TOP2B: variants seen among roughly 807,000 people sequenced by gnomAD.
TOP2B encodes the protein DNA topoisomerase 2-beta.
In TOP2B, 51 loss-of-function variants were observed where a neutral mutation model predicts 193.5. The ratio of observed to expected loss-of-function variants is 0.26; its 90% CI spans 0.21 to 0.33. The LOEUF (loss-of-function observed/expected upper bound fraction) is 0.33, where lower values mean the gene tolerates loss of function less well. TOP2B is among the 10% of genes least tolerant of loss of function. The pLI, the probability that TOP2B is intolerant of heterozygous loss-of-function variation, is 1.00. For synonymous variants in TOP2B, 634 were observed against 635.7 expected (o/e 1.00, Z 0.04); for missense variants, 1,378 against 1,909.3 (o/e 0.72, Z 5.19).
intron 34 of TOP2B, 47 bp downstream of exon 34, chr3:25,601,053 T>C (rs781665842): frequency 6.3e-7 from 1 of 1,579,832 alleles, no homozygotes; most frequent in Admixed American, 1.9e-5. Flanking sequence ...AATTCAATCT[T>C]TTCCACACAG....
intron 33 of TOP2B, among the ~76,000 whole-genome samples, chr3:25,604,041 A>G (rs1199671717): frequency 6.6e-6 from 1 of 152,208 alleles, no homozygotes; most frequent in Non-Finnish European, 1.5e-5. Context: ...ATATGGTTCT[A>G]CTGCATTCAG....
chr3:25,647,245 G>A (rs191188975), intron 1 of TOP2B, among the ~76,000 whole-genome samples: 13 of 152,196 alleles, frequency 8.5e-5, no homozygotes, highest in East Asian at 7.7e-4. Context: ...GCGCAGTGAC[G>A]TTAATTTATA....
At chr3:25,646,820 G>A (rs749778614) in intron 1 of TOP2B, among the ~76,000 whole-genome samples, 3 of 151,952 alleles carry the variant, frequency 2.0e-5, no homozygotes, top group African/African-American at 4.8e-5. Flanking sequence ...AAGTCTAAAC[G>A]AAGATAAGAA....
intron 29 of TOP2B, 86 bp from the exon 30 acceptor site, chr3:25,609,430 C>A: frequency 1.4e-6 from 2 of 1,460,526 alleles, no homozygotes; most frequent in South Asian, 1.4e-5. Flanking sequence ...ATGAAAAGTT[C>A]ATTACAAAAT....
intron 31 of TOP2B, among the ~76,000 whole-genome samples, chr3:25,606,583 G>A (rs1162711095): frequency 2.6e-5 from 4 of 152,050 alleles, no homozygotes; most frequent in African/African-American, 9.7e-5. Flanking sequence ...CAAGACTACA[G>A]GTGGGCAATT....
At chr3:25,638,068 A>T (rs1703152952) in intron 5 of TOP2B, 97 bp downstream of exon 5, 1 of 1,121,170 alleles carries the variant, frequency 8.9e-7, no homozygotes, top group Non-Finnish European at 1.3e-6. Flanking sequence ...TCTGACAATG[A>T]TTTTCTCACA....
chr3:25,626,308 T>C (rs1702798859), intron 18 of TOP2B, among the ~76,000 whole-genome samples: 1 of 152,084 alleles, frequency 6.6e-6, no homozygotes, highest in Non-Finnish European at 1.5e-5. Flanking sequence ...CTTTAAGACT[T>C]TTAAAGTTAA....
intron 21 of TOP2B, 126 bp from the exon 22 acceptor site, chr3:25,620,942 A>G (rs1432674687): frequency 2.0e-6 from 2 of 993,742 alleles, no homozygotes; most frequent in African/African-American, 1.6e-5. Flanking sequence ...TCCCTTTCCA[A>G]CTGATCAATT....
In TOP2B at chr3:25,631,624, G is replaced by A. The variant is rs1436546081; in HGVS notation, c.1267-685C>T. 2.6e-5 allele frequency among the ~76,000 whole-genome samples: 4 copies of A among 151,928 alleles called. No individual in the cohort carries two copies. In the East Asian group the frequency reaches 7.7e-4, roughly 29 times the overall value. On this transcript the variant is annotated intron_variant, in intron 10 of 35. Transcript: ENST00000264331. ...GAATGTTTAAGACATAAACAAAAGA[G>A]GTGAACTGTGTTGTCAAATTTAAAC... is the stretch of plus-strand genomic sequence containing the variant.
chr3:25,664,565 C>T lies in TOP2B; in HGVS notation c.-268G>A, dbSNP rs1704032241. On this transcript the variant is annotated 5_prime_UTR_variant, in exon 1 of 36. Coordinates refer to ENST00000264331, the MANE Select transcript of TOP2B (RefSeq NM_001330700.2). ...GGCTGAGGAGAAAGCAGGGAGCGAC[C>T]GGCGGCGGCCGAGCGGCGGCGTTGC... 1 of 1,069,122 alleles carries T rather than the reference C, an allele frequency of 9.4e-7. No homozygotes were observed. The allele number at this position is 1,069,122 out of a possible 1,614,324, so 66.2% of individuals were successfully genotyped here.
At chr3:25,601,839 T>A (rs1702102912) in intron 33 of TOP2B, among the ~76,000 whole-genome samples, 1 of 152,206 alleles carries the variant, frequency 6.6e-6, no homozygotes, top group African/African-American at 2.4e-5. Context: ...GCATATTTGA[T>A]AAATTAATTA....
intron 6 of TOP2B, among the ~76,000 whole-genome samples, chr3:25,636,704 T>C (rs1309880976): frequency 6.6e-6 from 1 of 152,020 alleles, no homozygotes; most frequent in African/African-American, 2.4e-5. Context: ...ATATAGACTT[T>C]TACAAAAATA....
chr3:25,631,168 A>G (rs1260873124), intron 10 of TOP2B, among the ~76,000 whole-genome samples: 1 of 152,098 alleles, frequency 6.6e-6, no homozygotes, highest in East Asian at 1.9e-4. Context: ...TACATATGAG[A>G]AACATTCTAT....
intron 4 of TOP2B, among the ~76,000 whole-genome samples, chr3:25,640,563 C>G (rs1254424641): frequency 2.6e-5 from 4 of 151,990 alleles, no homozygotes; most frequent in Non-Finnish European, 5.9e-5. Context: ...TTTTCCCTCC[C>G]TCTTCTGCCT....
chr3:25,618,958 G>T, intron 23 of TOP2B, 109 bp from the exon 24 acceptor site: 1 of 788,524 alleles, frequency 1.3e-6, no homozygotes, highest in Non-Finnish European at 1.9e-6. Context: ...CATAATGCAT[G>T]TGTGTGAACA....
chr3:25,637,295 C>G lies in TOP2B; in HGVS notation c.559G>C (p.Gly187Arg). 6.4e-7 allele frequency: 1 copy of G among 1,557,210 alleles called. No individual in the cohort carries two copies. The highest frequency in any genetic ancestry group is 8.7e-7 in the Non-Finnish European group (1 of 1,149,230). Residue 187 changes from glycine (G) to arginine (R), a missense_variant, in exon 6 of 36, where the codon GGT becomes CGT. This residue lies in a region of TOP2B where 222 missense variants were observed against 306.6 expected (regional missense o/e 0.72). Transcript: ENST00000264331. ...CTGAAAATATTACAAAGTTTTGCAC[C>G]ATAACCATTACGACCACCTGTAAGA... ...KKVTGGRNGY[G>R]AKLCNIFSTK... is the part of the protein sequence containing the mutation.
At chr3:25,614,534 C>T (rs147303481) in intron 27 of TOP2B, among the ~76,000 whole-genome samples, 21 of 151,950 alleles carry the variant, frequency 1.4e-4, no homozygotes, top group African/African-American at 5.1e-4. Flanking sequence ...AGCTAATTTA[C>T]CACACTTGTT....
chr3:25,663,164 T>C (rs1182044142), intron 1 of TOP2B, among the ~76,000 whole-genome samples: 1 of 152,208 alleles, frequency 6.6e-6, no homozygotes, highest in Non-Finnish European at 1.5e-5. Context: ...CTGCTGTCAG[T>C]AGCACCCTTT....
intron 32 of TOP2B, among the ~76,000 whole-genome samples, 157 bp from the exon 33 acceptor site, chr3:25,605,027 T>A (rs867482938): frequency 2.6e-5 from 4 of 152,152 alleles, no homozygotes; most frequent in Non-Finnish European, 5.9e-5. Context: ...CAGCTAAAAA[T>A]AAAATGTATC....
Sources: gnomAD v4.1 joint callset for allele counts (sites outside exome capture counted in the v4.1 genomes callset) on GRCh38, gnomAD v4.1.1 for gene constraint, gnomAD v4.1.1 regional missense constraint, MANE v1.5 for transcripts, NCBI Gene and HGNC (gene_info 2026-07-23, HGNC 2026-07-21) for gene names.